MTHFD1L: variants seen among roughly 807,000 people sequenced by gnomAD.
MTHFD1L encodes methylenetetrahydrofolate dehydrogenase (NADP+ dependent) 1 like.
Under a neutral mutation model 119.5 loss-of-function variants are expected in MTHFD1L, and 81 were observed. That is an observed-to-expected ratio of 0.68 (90% CI 0.57 to 0.82). The LOEUF is 0.82. Among genes scored for constraint, MTHFD1L ranks in the 40% least tolerant of loss-of-function variants. The pLI, the probability that MTHFD1L is intolerant of heterozygous loss-of-function variation, is 0.00. For missense variants in MTHFD1L, 1,125 were observed against 1,253.4 expected (o/e 0.90, Z 1.55); for synonymous variants, 430 against 475.2 (o/e 0.90, Z 1.24).
chr6:151,094,247 A>G (rs1163787684), intron 27 of MTHFD1L, among the ~76,000 whole-genome samples: 1 of 152,080 alleles, frequency 6.6e-6, no homozygotes, highest in Admixed American at 6.6e-5. Context: ...TTTGCAGATG[A>G]GCTTTTGTGG....
chr6:150,996,943 C>T (rs10457867), intron 20 of MTHFD1L, among the ~76,000 whole-genome samples: 25,098 of 152,150 alleles, frequency 0.16, 2,708 homozygotes, highest in South Asian at 0.25. Context: ...GGGAAAAGAG[C>T]CACCTCTGCT....
rs1366495036 is a variant in MTHFD1L, at chr6:150,971,997, C to CA, written c.2066dup (p.Asn689LysfsTer7). Reference sequence around the variant, plus strand: ...GCCCTTTTGCTAACATTGCTCACGGCAACTCTTCAGTGTTGGCTGATAAAA... The same window carrying CA: ...GCCCTTTTGCTAACATTGCTCACGGCAAACTCTTCAGTGTTGGCTGATAAAA... On this transcript the variant is annotated frameshift_variant, in exon 20 of 28. Transcript: ENST00000367321. LOFTEE classifies it high-confidence loss of function. The CA allele has an allele frequency of 1.2e-6, 2 of 1,614,014 alleles. No homozygotes were observed. The highest frequency in any genetic ancestry group is 2.7e-5 in the African/African-American group (2 of 74,896).
Position 150,876,112 on chromosome 6 carries a change from G to A in MTHFD1L, c.250G>A (p.Glu84Lys). 2 of 1,607,884 alleles carry A rather than the reference G, an allele frequency of 1.2e-6. No individual in the cohort carries two copies. The highest frequency in any genetic ancestry group is 2.2e-5 in the East Asian group (1 of 44,740). ...TAGAGAAGTCATTCAGAATTCAAAAGAAGTTCTAAGTTTATTGCAAGAAAA... is the reference window on the plus strand; with the variant it reads ...TAGAGAAGTCATTCAGAATTCAAAAAAAGTTCTAAGTTTATTGCAAGAAAA... ...IVREVIQNSKEVLSLLQEKNP... is the reference protein window; with the variant it reads ...IVREVIQNSKKVLSLLQEKNP... The change falls in exon 2 of 28, where the codon GAA (glutamate) becomes AAA (lysine). Residue 84 changes from glutamate to lysine, a missense_variant. Glu to Lys is a moderately conservative substitution (Grantham distance 56). Coordinates refer to ENST00000367321, the MANE Select transcript of MTHFD1L (RefSeq NM_015440.5).
chr6:151,006,985 C>T lies in MTHFD1L; in HGVS notation c.2126-2834C>T, dbSNP rs141552994. 3.2e-3 allele frequency among the ~76,000 whole-genome samples: 484 copies of T among 152,232 alleles called. 5 individuals are homozygous for T. Among genetic ancestry groups the T allele is most frequent in the African/African-American group, 9.6e-3 (399 of 41,522 alleles). On this transcript the variant is annotated intron_variant, in intron 20 of 27. Coordinates refer to ENST00000367321, the MANE Select transcript of MTHFD1L (RefSeq NM_015440.5). ...TTTGGGTTACTTCAGTCCCACTCCC[C>T]GGTACTAATCAGGCCAGTGAACCAG...
At chr6:151,045,406 C>A (rs1438844722) in intron 26 of MTHFD1L, among the ~76,000 whole-genome samples, 1 of 152,074 alleles carries the variant, frequency 6.6e-6, no homozygotes, top group Non-Finnish European at 1.5e-5. Context: ...CTTTTTCCCC[C>A]TCTCTCCACT....
chr6:150,896,012 C>T (rs1390230823), intron 7 of MTHFD1L, among the ~76,000 whole-genome samples: 1 of 152,150 alleles, frequency 6.6e-6, no homozygotes, highest in African/African-American at 2.4e-5. Context: ...GCAGGACTGT[C>T]ATCCTCCCCA....
chr6:151,078,106 C>T (rs901086508), intron 26 of MTHFD1L, among the ~76,000 whole-genome samples: 3 of 139,566 alleles, frequency 2.1e-5, no homozygotes, highest in African/African-American at 7.7e-5. Flanking sequence ...GCTAAACCAT[C>T]ATGAAGTGTG....
At chr6:150,916,500 G>GT (rs1491386770) in intron 8 of MTHFD1L, among the ~76,000 whole-genome samples, 7 of 51,020 alleles carry the variant, frequency 1.4e-4, no homozygotes, top group Non-Finnish European at 2.2e-4. Flanking sequence ...TTTTTTTTTT[G>GT]GTATTTTTAG....
rs753350178 is a variant in MTHFD1L, at chr6:150,926,211, A to G, written c.1172A>G (p.Tyr391Cys). The change falls in exon 11 of 28, where the codon TAT (tyrosine) becomes TGT (cysteine). Residue 391 changes from tyrosine to cysteine, a missense_variant. Transcript: ENST00000367321. The surrounding 1 kb of genome is among the most constrained non-coding windows in gnomAD (Gnocchi z 4.3). ...TTGCTTGCAGATGAAATTGAAATCT[A>G]TGGCAAAAGCAAAGCCAAAGTACGT... ...IGLLADEIEI[Y>C]GKSKAKVRLS... 4.3e-6 allele frequency: 7 copies of G among 1,614,038 alleles called. No individual in the cohort carries two copies. The highest frequency in any genetic ancestry group is 2.7e-5 in the African/African-American group (2 of 74,924).
At chr6:150,964,871 C>T (rs779224801) in intron 18 of MTHFD1L, 98 bp from the exon 19 acceptor site, 21 of 1,149,172 alleles carry the variant, frequency 1.8e-5, no homozygotes, top group South Asian at 5.3e-5. Context: ...CCTGTGGGGA[C>T]GCCCACCCAA....
intron 26 of MTHFD1L, among the ~76,000 whole-genome samples, chr6:151,081,666 A>G (rs995503777): frequency 6.6e-6 from 1 of 152,152 alleles, no homozygotes; most frequent in African/African-American, 2.4e-5. Context: ...AGACTGTCTC[A>G]AAAATAATAA....
chr6:150,935,034 T>C lies in MTHFD1L; in HGVS notation c.1257-1770T>C, dbSNP rs60806596. On this transcript the variant is annotated intron_variant, in intron 11 of 27. Transcript: ENST00000367321. ...CCTGCCTTCATTCAGTCCTTCCACATTGTTATTCTGGGTTTGGACTGTGCT... is the reference window on the plus strand; with the variant it reads ...CCTGCCTTCATTCAGTCCTTCCACACTGTTATTCTGGGTTTGGACTGTGCT... 4,012 of 1,612,768 alleles carry C rather than the reference T, an allele frequency of 2.5e-3. 86 individuals carry two copies. In the African/African-American group the frequency reaches 0.048, roughly 19 times the overall value.
intron 26 of MTHFD1L, among the ~76,000 whole-genome samples, chr6:151,060,256 A>C (rs922052691): frequency 6.6e-6 from 1 of 152,178 alleles, no homozygotes; most frequent in Non-Finnish European, 1.5e-5. Context: ...TTTGGTACAC[A>C]ATCCTCAGAT....
At chr6:150,998,886 A>G (rs1780198915) in intron 20 of MTHFD1L, among the ~76,000 whole-genome samples, 1 of 150,506 alleles carries the variant, frequency 6.6e-6, no homozygotes, top group African/African-American at 2.5e-5. Context: ...GCTATTTGGG[A>G]GGCTGAGGTG....
At chr6:150,966,697 G>A (rs572000862) in intron 19 of MTHFD1L, among the ~76,000 whole-genome samples, 21 of 152,320 alleles carry the variant, frequency 1.4e-4, no homozygotes, top group African/African-American at 3.6e-4. Flanking sequence ...ATGGTGGCAC[G>A]TGCCTGAAAT....
intron 20 of MTHFD1L, among the ~76,000 whole-genome samples, chr6:150,975,608 T>C (rs1583900550): frequency 6.6e-6 from 1 of 152,296 alleles, no homozygotes; most frequent in East Asian, 1.9e-4. Context: ...ACTCCAAATG[T>C]CACTCAGACT....
rs777994598 is a variant in MTHFD1L, at chr6:150,938,706, C to G, written c.1401C>G (p.Ala467=). The change falls in exon 13 of 28, where the codon GCC becomes GCG. Residue 467 remains alanine, a synonymous_variant. Transcript: ENST00000367321. The stretch of plus-strand genomic sequence containing the variant: ...TCTTGCTCTGTTGTTTAGGAGGAGC[C>G]GCGGGTGGTGGATATGCCCAGGTCA... ...QGPTFGVKGG[A]AGGGYAQVIP... The G allele has an allele frequency of 1.2e-6, 2 of 1,610,518 alleles. No individual in the cohort carries two copies. The highest frequency in any genetic ancestry group is 1.1e-5 in the South Asian group (1 of 89,886).
At chr6:150,931,552 G>T (rs1281623000) in intron 11 of MTHFD1L, among the ~76,000 whole-genome samples, 1 of 152,076 alleles carries the variant, frequency 6.6e-6, no homozygotes, top group Non-Finnish European at 1.5e-5. Context: ...GCACCATGGG[G>T]TTTATTGTTA....
At chr6:151,013,730 G>GT (rs765672164) in intron 21 of MTHFD1L, 49 bp from the exon 22 acceptor site, 2 of 1,504,762 alleles carry the variant, frequency 1.3e-6, no homozygotes, top group Non-Finnish European at 1.8e-6. Flanking sequence ...GATCGGTTGT[G>GT]TAAGCATTTT....
Sources: allele counts gnomAD v4.1 joint callset (sites outside exome capture counted in the v4.1 genomes callset), GRCh38; gene constraint gnomAD v4.1.1; non-coding constraint Gnocchi (gnomAD v3.1); transcripts MANE v1.5; gene names NCBI Gene and HGNC (gene_info 2026-07-23, HGNC 2026-07-21).